COMMD6: variants seen among roughly 807,000 people sequenced by gnomAD.
The protein encoded by COMMD6 is COMM domain containing 6.
In COMMD6, 11 loss-of-function variants were observed where a neutral mutation model predicts 13.4. The ratio of observed to expected loss-of-function variants is 0.82; its 90% CI spans 0.52 to 1.36. The LOEUF is 1.36. COMMD6 is among the 40% of genes most tolerant of loss of function. COMMD6 has a pLI of 0.00. For synonymous variants in COMMD6, 43 were observed against 36.5 expected (o/e 1.18, Z -0.64); for missense variants, 124 against 102.4 (o/e 1.21, Z -0.91).
Position 75,525,741 on chromosome 13 carries a change from A to C in COMMD6, c.*848T>G, listed in dbSNP as rs2030223119. ...CTGCAGAAATGCAGACAGGGTGTGA[A>C]GAGGGTTTAAATTTCTAATATGGCG... On this transcript the variant is annotated 3_prime_UTR_variant, in exon 4 of 4. Coordinates refer to ENST00000682242, the MANE Select transcript of COMMD6 (RefSeq NM_203495.4). 6.6e-6 allele frequency: 1 copy of C among 152,292 alleles called. No homozygotes were observed. The highest frequency in any genetic ancestry group is 1.5e-5 in the Non-Finnish European group (1 of 68,066). The allele number at this position is 152,292 out of a possible 1,614,324, so 9.4% of individuals were successfully genotyped here.
At chr13:75,528,170 C>T (rs893915185) in intron 3 of COMMD6, among the ~76,000 whole-genome samples, 3 of 151,674 alleles carry the variant, frequency 2.0e-5, no homozygotes, top group Non-Finnish European at 2.9e-5. Flanking sequence ...TCAAAATACA[C>T]AATTTTGTCA....
rs752994846 is a variant in COMMD6 at position 75,530,173 on chromosome 13, C to G, written c.148G>C (p.Ala50Pro). The change falls in exon 3 of 4, where the codon GCA becomes CCA. Residue 50 changes from alanine (A) to proline (P), a missense_variant. Coordinates refer to ENST00000682242, the MANE Select transcript of COMMD6 (RefSeq NM_203495.4). ...GTCTTTACTTGGCCTGAATGATCTG[C>G]CACTTTTAGCATCACTGCAACGTAA... is the stretch of plus-strand genomic sequence containing the variant. ...YPYVAVMLKV[A>P]DHSGQVKTKC... 17 of 1,613,440 alleles carry G rather than the reference C, an allele frequency of 1.1e-5. No homozygotes were observed. The Admixed American group carries it at 2.8e-4, about 27-fold the overall frequency.
intron 3 of COMMD6, among the ~76,000 whole-genome samples, chr13:75,526,941 A>G (rs2030284613): frequency 6.6e-6 from 1 of 152,176 alleles, no homozygotes; most frequent in African/African-American, 2.4e-5. Flanking sequence ...ACTGAAAATA[A>G]AAGCAAAAAT....
chr13:75,533,586 AAAGAG>A (rs1473962416), intron 2 of COMMD6, among the ~76,000 whole-genome samples: 9 of 151,872 alleles, frequency 5.9e-5, no homozygotes, highest in Non-Finnish European at 4.4e-5. Flanking sequence ...AAAAAAAAAA[AAAGAG>A]AGAGAGAGAG....
chr13:75,534,834 G>C (rs1259502561), intron 2 of COMMD6, among the ~76,000 whole-genome samples: 3 of 152,198 alleles, frequency 2.0e-5, no homozygotes, highest in African/African-American at 4.8e-5. Context: ...TATAAAAACT[G>C]TCTATATAGA....
chr13:75,541,963 A>G (rs2030830227), upstream of COMMD6, among the ~76,000 whole-genome samples: 1 of 152,236 alleles, frequency 6.6e-6, no homozygotes, highest in Non-Finnish European at 1.5e-5. Flanking sequence ...CATATGCCAT[A>G]GTAAACTATG....
chr13:75,527,360 T>A (rs569851255), intron 3 of COMMD6, among the ~76,000 whole-genome samples: 2 of 152,350 alleles, frequency 1.3e-5, no homozygotes, highest in East Asian at 3.9e-4. Context: ...TTTTAATTTA[T>A]ATGCAAATTT....
intron 1 of COMMD6, among the ~76,000 whole-genome samples, chr13:75,545,112 A>C (rs1292753556): frequency 6.6e-6 from 1 of 152,230 alleles, no homozygotes. Context: ...TAGGAATGAT[A>C]GTTTGGCAAT....
rs1224511735 is a variant in COMMD6, at chr13:75,537,663, C to T, written c.54+1G>A. 1 of 1,613,404 alleles carries T rather than the reference C, an allele frequency of 6.2e-7. No individual in the cohort carries two copies. Among genetic ancestry groups the T allele is most frequent in the African/African-American group, 1.3e-5 (1 of 74,938 alleles). On this transcript the variant is annotated splice_donor_variant, in intron 2 of 3. Coordinates refer to ENST00000682242, the MANE Select transcript of COMMD6 (RefSeq NM_203495.4). LOFTEE classifies it high-confidence loss of function. ...ACAGGGCGGGGCGGCCGCTCACCCA[C>T]CTGGTTGGTGACCTGAAACGGAAGC... is the stretch of plus-strand genomic sequence containing the variant.
At chr13:75,531,888 G>C (rs949892435) in intron 2 of COMMD6, among the ~76,000 whole-genome samples, 1 of 152,132 alleles carries the variant, frequency 6.6e-6, no homozygotes, top group African/African-American at 2.4e-5. Flanking sequence ...ATGTACACAG[G>C]ATACATATAT....
chr13:75,539,844 A>C (rs2030796166), upstream of COMMD6, among the ~76,000 whole-genome samples: 1 of 152,184 alleles, frequency 6.6e-6, no homozygotes, highest in Non-Finnish European at 1.5e-5. Flanking sequence ...TAAATGTACT[A>C]ATTAGCTTGG....
chr13:75,538,981 TAG>T (rs1476218497), upstream of COMMD6, among the ~76,000 whole-genome samples: 2 of 152,144 alleles, frequency 1.3e-5, no homozygotes, highest in Non-Finnish European at 2.9e-5. Context: ...TGCTGGCTTT[TAG>T]ATGGGGACTC....
chr13:75,528,990 TTTAG>T (rs1308309829), intron 3 of COMMD6, among the ~76,000 whole-genome samples: 1 of 152,198 alleles, frequency 6.6e-6, no homozygotes, highest in African/African-American at 2.4e-5. Flanking sequence ...CCAATATAAT[TTTAG>T]TTAGTTTTAC....
chr13:75,539,121 C>T (rs1184110506), upstream of COMMD6, among the ~76,000 whole-genome samples: 1 of 152,200 alleles, frequency 6.6e-6, no homozygotes, highest in East Asian at 1.9e-4. Context: ...TATGATCTCT[C>T]CTGTTCCTGT....
chr13:75,537,968 T>C (rs1051794245), upstream of COMMD6: 45 of 624,184 alleles, frequency 7.2e-5, no homozygotes, highest in East Asian at 6.9e-4. Context: ...TAATTCAACA[T>C]ATATCTTAGG....
intron 3 of COMMD6, among the ~76,000 whole-genome samples, chr13:75,528,313 C>G (rs1368678155): frequency 6.6e-6 from 1 of 151,778 alleles, no homozygotes; most frequent in African/African-American, 2.4e-5. Context: ...TAGGCCAGCA[C>G]TGTGAATTAC....
rs576952272 is a variant in COMMD6 at position 75,547,233 on chromosome 13, C to A, written n.106+2090G>T. Among the ~76,000 whole-genome samples the A allele has an allele frequency of 2.6e-5, 4 of 151,986 alleles. No homozygotes were observed. In the South Asian group the frequency reaches 6.2e-4, roughly 24 times the overall value. Reference sequence around the variant, plus strand: ...ATGGGAAAATGAGCATTAAATAGACCATCAAGAGGACTCTCGTTTCCAGTA... The same window carrying A: ...ATGGGAAAATGAGCATTAAATAGACAATCAAGAGGACTCTCGTTTCCAGTA... On this transcript the variant is annotated intron_variant and non_coding_transcript_variant, in intron 1 of 2. Coordinates refer to the COMMD6 transcript ENST00000460675.
upstream of COMMD6, among the ~76,000 whole-genome samples, chr13:75,538,453 A>AT (rs573822260): frequency 5.1e-3 from 770 of 152,222 alleles, 4 homozygotes; most frequent in Non-Finnish European, 8.2e-3. Flanking sequence ...TGAAAAATTT[A>AT]TTTTTTTCAG....
At chr13:75,533,688 A>T (rs549732713) in intron 2 of COMMD6, among the ~76,000 whole-genome samples, 1 of 152,186 alleles carries the variant, frequency 6.6e-6, no homozygotes, top group Non-Finnish European at 1.5e-5. Context: ...GCAGGACTAA[A>T]CTGATCATAT....
Sources: gnomAD v4.1 joint callset for allele counts (sites outside exome capture counted in the v4.1 genomes callset) on GRCh38, gnomAD v4.1.1 for gene constraint, MANE v1.5 for transcripts, NCBI Gene and HGNC (gene_info 2026-07-23, HGNC 2026-07-21) for gene names.